PCDH11X: variants seen among roughly 807,000 people sequenced by gnomAD.
PCDH11X encodes the protein protocadherin-11 X-linked.
PCDH11X carries 18 observed loss-of-function variants against 53.3 expected under a neutral mutation model. The observed-to-expected ratio is 0.34, with a 90% CI of 0.23 to 0.50. The LOEUF is 0.50. PCDH11X is among the 20% of genes least tolerant of loss of function. The probability of loss-of-function intolerance (pLI) is 0.98; values close to 1 mark genes in which losing one functional copy is unlikely to be tolerated. For synonymous variants in PCDH11X, 279 were observed against 393.3 expected (o/e 0.71, Z 3.44); for missense variants, 570 against 1,032.4 (o/e 0.55, Z 6.14).
intron 8 of PCDH11X, among the ~76,000 whole-genome samples, chrX:92,333,535 A>G (rs1446017338): frequency 1.8e-5 from 2 of 111,826 alleles, no homozygotes; most frequent in East Asian, 5.6e-4. Context: ...CTATAAGCCC[A>G]TGTGCAGCAA....
chrX:92,035,313 G>A (rs1569319856), intron 6 of PCDH11X, among the ~76,000 whole-genome samples: 1 of 111,432 alleles, frequency 9.0e-6, no homozygotes, highest in Non-Finnish European at 1.9e-5. Flanking sequence ...AGCATTTCTT[G>A]TAGCACGTAT....
At chrX:92,475,606 C>T (rs928728717) in intron 10 of PCDH11X, among the ~76,000 whole-genome samples, 25 of 111,582 alleles carry the variant, frequency 2.2e-4, no homozygotes, top group Admixed American at 2.0e-3. Context: ...TAAAATAATC[C>T]TTTCTTTATT....
intron 7 of PCDH11X, among the ~76,000 whole-genome samples, chrX:92,236,582 C>T (rs888246804): frequency 1.8e-5 from 2 of 110,884 alleles, no homozygotes; most frequent in East Asian, 2.8e-4. Context: ...AGAAGAAACA[C>T]ATGTTTTTAC....
At chrX:92,165,576 C>T (rs1431826474) in intron 6 of PCDH11X, among the ~76,000 whole-genome samples, 1 of 111,802 alleles carries the variant, frequency 8.9e-6, no homozygotes, top group African/African-American at 3.2e-5. Flanking sequence ...GTTGTAAAAT[C>T]CCATGACTGT....
chrX:91,879,264 C>T lies in PCDH11X; in HGVS notation c.3024C>T (p.His1008=), dbSNP rs779009885. The T allele has an allele frequency of 2.0e-5, 24 of 1,209,727 alleles. No individual in the cohort carries two copies. The highest frequency in any genetic ancestry group is 1.2e-4 in the East Asian group (4 of 33,775). The change falls in exon 6 of 11, where the codon CAC becomes CAT. Residue 1008 remains histidine (H), a synonymous_variant. Transcript: ENST00000682573. ...VTTFEVPVSV[H]TRPPMKEVVR... ...CCTTCGAGGTACCTGTGTCCGTACA[C>T]ACCAGACCGGTAGGTATCCAAGTTT...
At chrX:91,990,515 G>A (rs888765722) in intron 6 of PCDH11X, among the ~76,000 whole-genome samples, 2 of 111,479 alleles carry the variant, frequency 1.8e-5, no homozygotes, top group Non-Finnish European at 3.8e-5. Context: ...TTCATGGTAT[G>A]ATGAGTGATT....
chrX:92,561,200 G>A (rs1296031153), intron 10 of PCDH11X, among the ~76,000 whole-genome samples: 1 of 106,343 alleles, frequency 9.4e-6, no homozygotes, highest in East Asian at 3.0e-4. Context: ...ATCCCAGGCT[G>A]TGAAAACTAC....
At chrX:91,904,056 G>A (rs895068338) in intron 6 of PCDH11X, among the ~76,000 whole-genome samples, 2 of 109,558 alleles carry the variant, frequency 1.8e-5, no homozygotes, top group African/African-American at 6.6e-5. Context: ...ATGTGTAGAT[G>A]TTTTACATGT....
intron 6 of PCDH11X, among the ~76,000 whole-genome samples, chrX:92,187,358 A>T (rs1411900375): frequency 8.9e-6 from 1 of 111,754 alleles, no homozygotes; most frequent in Non-Finnish European, 1.9e-5. Context: ...ATTACATTGC[A>T]ATCTCCCAGA....
At chrX:92,076,230 C>A (rs2063770435) in intron 6 of PCDH11X, among the ~76,000 whole-genome samples, 1 of 108,318 alleles carries the variant, frequency 9.2e-6, no homozygotes, top group Non-Finnish European at 1.9e-5. Context: ...TTTATGGTCT[C>A]TAAAAAAGGT....
intron 9 of PCDH11X, among the ~76,000 whole-genome samples, chrX:92,466,203 T>C (rs780120389): frequency 6.3e-5 from 7 of 111,010 alleles, no homozygotes; most frequent in African/African-American, 2.3e-4. Context: ...TTATTTATTT[T>C]AAAAATTAGT....
intron 7 of PCDH11X, among the ~76,000 whole-genome samples, chrX:92,224,749 A>C (rs1922685308): frequency 8.9e-6 from 1 of 112,307 alleles, no homozygotes; most frequent in South Asian, 3.6e-4. Context: ...AATTCTGTTA[A>C]ATTTAATTTG....
intron 6 of PCDH11X, among the ~76,000 whole-genome samples, chrX:92,061,836 A>G (rs1305052910): frequency 1.8e-5 from 2 of 111,495 alleles, no homozygotes; most frequent in African/African-American, 6.5e-5. Flanking sequence ...TAAAGATAGC[A>G]TTTTCTAATT....
intron 7 of PCDH11X, among the ~76,000 whole-genome samples, chrX:92,223,229 A>G (rs1301342383): frequency 9.0e-6 from 1 of 110,873 alleles, no homozygotes; most frequent in Admixed American, 9.6e-5. Context: ...ATTCCTCCCT[A>G]CTTATTTGTA....
rs58212809 is a variant in PCDH11X, at chrX:92,208,508, A to AATATATATATATAT, written c.3114+7069_3114+7082dup. Among the ~76,000 whole-genome samples, 146 of 30,645 alleles carry AATATATATATATAT rather than the reference A, an allele frequency of 4.8e-3. 9 individuals carry two copies. The highest frequency in any genetic ancestry group is 0.017 in the East Asian group (20 of 1,145). 26.6% of individuals were successfully genotyped at this position (30,645 alleles called of 115,157 possible). Reference sequence around the variant, plus strand: ...ACAACCGAAGGTGGTCCCTGAAACTAATATATATATATATATATATATATA... The same window carrying AATATATATATATAT: ...ACAACCGAAGGTGGTCCCTGAAACTAATATATATATATATATATATATATATATATATATATATA... On this transcript the variant is annotated intron_variant, in intron 7 of 10. Coordinates refer to ENST00000682573, the MANE Select transcript of PCDH11X (RefSeq NM_032968.5).
intron 6 of PCDH11X, among the ~76,000 whole-genome samples, chrX:92,014,196 C>T (rs1329722320): frequency 3.0e-5 from 2 of 66,093 alleles, no homozygotes; most frequent in African/African-American, 9.1e-5. Context: ...AGAAAAAAAA[C>T]AAACAACCCC....
intron 5 of PCDH11X, among the ~76,000 whole-genome samples, chrX:91,861,937 G>A (rs1418871505): frequency 9.0e-6 from 1 of 110,924 alleles, no homozygotes; most frequent in Non-Finnish European, 1.9e-5. Context: ...GGATACCTTA[G>A]TTGATGGTGC....
intron 1 of PCDH11X, among the ~76,000 whole-genome samples, chrX:91,794,152 T>G (rs1935652320): frequency 8.9e-6 from 1 of 112,188 alleles, no homozygotes; most frequent in Admixed American, 9.5e-5. Context: ...ATAAAGGTGA[T>G]ATTTATTCGT....
intron 6 of PCDH11X, among the ~76,000 whole-genome samples, chrX:92,096,313 A>G (rs774637084): frequency 9.0e-6 from 1 of 110,749 alleles, no homozygotes; most frequent in South Asian, 3.9e-4. Flanking sequence ...TTATGATTTA[A>G]TATACAAGGC....
Sources: gnomAD v4.1 joint callset for allele counts (sites outside exome capture counted in the v4.1 genomes callset) on GRCh38, gnomAD v4.1.1 for gene constraint, MANE v1.5 for transcripts, NCBI Gene and HGNC (gene_info 2026-07-23, HGNC 2026-07-21) for gene names.